CLK1: variants seen among roughly 807,000 people sequenced by gnomAD.
CLK1 encodes the protein dual specificity protein kinase CLK1.
In CLK1, 40 loss-of-function variants were observed where a neutral mutation model predicts 60.9. The ratio of observed to expected loss-of-function variants is 0.66; its 90% CI spans 0.51 to 0.86. The LOEUF (loss-of-function observed/expected upper bound fraction) is 0.86, where lower values mean the gene tolerates loss of function less well. Ranked by LOEUF, CLK1 falls within the 40% of genes least tolerant of loss-of-function variation. The pLI, the probability that CLK1 is intolerant of heterozygous loss-of-function variation, is 0.00. For missense variants in CLK1, 563 were observed against 606.1 expected (o/e 0.93, Z 0.75); for synonymous variants, 203 against 184.4 (o/e 1.10, Z -0.82).
At chr2:200,862,718 C>G (rs904708345) in intron 1 of CLK1, among the ~76,000 whole-genome samples, 11 of 152,222 alleles carry the variant, frequency 7.2e-5, no homozygotes, top group African/African-American at 2.7e-4. Flanking sequence ...AGAAACTAGT[C>G]TCCAACTCAA....
chr2:200,860,939 CAA>C, intron 3 of CLK1: 9 of 1,139,422 alleles, frequency 7.9e-6, no homozygotes, highest in African/African-American at 1.6e-5. Context: ...TGAAGTACCA[CAA>C]AAAACCCTTT....
chr2:200,856,200 A>C (rs2039039886), intron 9 of CLK1, among the ~76,000 whole-genome samples: 2 of 151,782 alleles, frequency 1.3e-5, no homozygotes, highest in South Asian at 4.2e-4. Flanking sequence ...CCTCCTGAGT[A>C]GCTGGAACTA....
chr2:200,861,035 A>C, intron 3 of CLK1: 1 of 1,365,258 alleles, frequency 7.3e-7, no homozygotes, highest in Non-Finnish European at 9.4e-7. Flanking sequence ...ATTAGGAGCC[A>C]ACCAATAATT....
chr2:200,857,055 A>G (rs913641039), intron 7 of CLK1, 70 bp from the exon 8 acceptor site: 9 of 1,263,366 alleles, frequency 7.1e-6, no homozygotes, highest in Non-Finnish European at 7.9e-6. Context: ...ACCCCACAAC[A>G]GGCCGGGTGC....
At position 200,853,313 on chromosome 2, in the gene CLK1, C is replaced by T. The variant is rs2038975949; in HGVS notation, c.1448G>A (p.Ser483Asn). The change falls in exon 13 of 13, where the codon AGT (serine) becomes AAT (asparagine). Residue 483 changes from serine (S) to asparagine (N), a missense_variant. By Grantham distance (46) the Ser-to-Asn change is conservative. Around this residue, in one of 3 missense-constraint regions of CLK1, gnomAD observed 360 missense variants for 407.0 expected, o/e 0.88. Coordinates refer to ENST00000321356, the MANE Select transcript of CLK1 (RefSeq NM_004071.4). Reference protein sequence around the residue: ...KHPFFDLLKKSI With the variant: ...KHPFFDLLKKNI ...AGCTGTCCAATTACAGATCTATATA[C>T]TTTTCTTCAGAAGGTCAAAGAAAGG... The T allele has an allele frequency of 4.3e-6, 7 of 1,610,040 alleles. No homozygotes were observed. The highest frequency in any genetic ancestry group is 5.1e-6 in the Non-Finnish European group (6 of 1,178,362).
intron 7 of CLK1, chr2:200,857,332 CCT>C (rs1040311633): frequency 6.5e-5 from 17 of 263,346 alleles, no homozygotes; most frequent in African/African-American, 3.1e-4. Flanking sequence ...CAACAAAAAA[CCT>C]CTGATTCCTT....
rs777319927 is a variant in CLK1, at chr2:200,853,909, A to G, written c.1305T>C (p.Pro435=). 1 of 1,607,592 alleles carries G rather than the reference A, an allele frequency of 6.2e-7. No homozygotes were observed. The highest frequency in any genetic ancestry group is 8.5e-7 in the Non-Finnish European group (1 of 1,176,394). The change falls in exon 12 of 13, where the codon CCT becomes CCC. Residue 435 remains proline (P), a synonymous_variant. Transcript: ENST00000321356. Reference sequence around the variant, plus strand: ...CAATGTCTCAAAGGCTTACCTTCAGAGGTTTACAGCGTCTTGAAACATATC... The same window carrying G: ...CAATGTCTCAAAGGCTTACCTTCAGGGGTTTACAGCGTCTTGAAACATATC... ...AGRYVSRRCK[P]LKEFMLSQDV...
At chr2:200,860,035 GAAAAA>G in intron 4 of CLK1, 85 bp downstream of exon 4, 1 of 1,508,558 alleles carries the variant, frequency 6.6e-7, no homozygotes, top group Non-Finnish European at 8.9e-7. Context: ...AAAAGAGAAA[GAAAAA>G]AAGATTTCCA....
intron 11 of CLK1, 161 bp from the exon 12 acceptor site, chr2:200,854,154 T>G (rs1313022465): frequency 2.0e-6 from 1 of 511,450 alleles, no homozygotes; most frequent in Non-Finnish European, 3.4e-6. Context: ...TAATCTACTA[T>G]TTAACTGAAA....
At chr2:200,857,240 A>C in intron 7 of CLK1, 1 of 457,600 alleles carries the variant, frequency 2.2e-6, no homozygotes, top group Non-Finnish European at 4.0e-6. Context: ...GGGGAGGCAG[A>C]GTTTGCAGTG....
intron 12 of CLK1, 54 bp from the exon 13 acceptor site, chr2:200,853,503 ACTATGTAACAGTAT>A: frequency 6.7e-7 from 1 of 1,483,562 alleles, no homozygotes; most frequent in Non-Finnish European, 9.2e-7. Flanking sequence ...CATTGACTAC[ACTATGTAACAGTAT>A]AGTAAACCAT....
At chr2:200,864,330 C>G (rs2039194461) in intron 1 of CLK1, 5 of 1,414,050 alleles carry the variant, frequency 3.5e-6, no homozygotes, top group Non-Finnish European at 4.6e-6. Flanking sequence ...AAGAGGGCGG[C>G]CGGCCTAGCA....
At position 200,862,225 on chromosome 2, in the gene CLK1, T is replaced by C. The variant is rs111402746; in HGVS notation, c.1-363A>G. ...ATAGAAGTCCACGCTGTCAGGCCTC[T>C]GAGCCCAAGCTAAGCCATCATATCC... On this transcript the variant is annotated intron_variant, in intron 1 of 12. Coordinates refer to ENST00000321356, the MANE Select transcript of CLK1 (RefSeq NM_004071.4). Among the ~76,000 whole-genome samples, 328 of 152,324 alleles carry C rather than the reference T, an allele frequency of 2.2e-3. 3 individuals are homozygous for C. The highest frequency in any genetic ancestry group is 7.5e-3 in the African/African-American group (313 of 41,572).
intron 1 of CLK1, among the ~76,000 whole-genome samples, chr2:200,863,585 C>CA (rs1287377169): frequency 6.6e-6 from 1 of 151,930 alleles, no homozygotes; most frequent in Non-Finnish European, 1.5e-5. Context: ...AGGCTGGGCG[C>CA]AGTGGCTCAC....
rs531002818 is a variant in CLK1 at position 200,864,589 on chromosome 2, A to G, written c.-26T>C. 62 of 212,954 alleles carry G rather than the reference A, an allele frequency of 2.9e-4. No homozygotes were observed. The highest frequency in any genetic ancestry group is 1.3e-3 in the African/African-American group (56 of 43,692). The allele number at this position is 212,954 out of a possible 1,614,324, so 13.2% of individuals were successfully genotyped here. On this transcript the variant is annotated 5_prime_UTR_variant, in exon 1 of 13. Transcript: ENST00000321356. ...CGTCCTGGACAAAGACTCCAAGTCG[A>G]AGGAGACAAAGCTTGTAACGCAATC... is the stretch of plus-strand genomic sequence containing the variant.
chr2:200,863,124 T>C (rs961874031), intron 1 of CLK1: 3 of 151,608 alleles, frequency 2.0e-5, no homozygotes, highest in South Asian at 2.1e-4. Flanking sequence ...GGGACCCCTC[T>C]GTGTCTTCCG....
intron 1 of CLK1, 99 bp from the exon 2 acceptor site, chr2:200,861,961 C>G (rs1559328986): frequency 1.1e-6 from 1 of 916,938 alleles, no homozygotes; most frequent in South Asian, 1.6e-5. Flanking sequence ...CGTTTTAAGA[C>G]CAAAATTCAA....
rs1434301462 is a variant in CLK1, at chr2:200,854,912, T to C, written c.1140+92A>G. ...TTTATTTATGCTTATCTACAATTAA[T>C]AGTCTATAATGGGGGAAGCAAAAGT... On this transcript the variant is annotated intron_variant, in intron 10 of 12. Transcript: ENST00000321356. 10 of 928,514 alleles carry C rather than the reference T, an allele frequency of 1.1e-5. No individual in the cohort carries two copies. In the East Asian group the frequency reaches 1.4e-4, roughly 13 times the overall value. The allele number at this position is 928,514 out of a possible 1,614,324, so 57.5% of individuals were successfully genotyped here.
Position 200,861,700 on chromosome 2 carries a change from AC to A in CLK1, c.161+1del, listed in dbSNP as rs770424802. On this transcript the variant is annotated splice_donor_variant, in intron 2 of 12. Coordinates refer to ENST00000321356, the MANE Select transcript of CLK1 (RefSeq NM_004071.4). LOFTEE classifies it high-confidence loss of function. ...TTCAGACATTTTAAGTATCCTCCTT[AC>A]CTATCACACATTTTAGAGTGATTGT... 6.2e-7 allele frequency: 1 copy of A among 1,613,866 alleles called. No homozygotes were observed. Among genetic ancestry groups the A allele is most frequent in the South Asian group, 1.1e-5 (1 of 91,064 alleles).
Sources: gnomAD v4.1 joint callset for allele counts (sites outside exome capture counted in the v4.1 genomes callset) on GRCh38, gnomAD v4.1.1 for gene constraint, gnomAD v4.1.1 regional missense constraint, MANE v1.5 for transcripts, NCBI Gene and HGNC (gene_info 2026-07-23, HGNC 2026-07-21) for gene names.